The following NUP155 variants were observed in gnomAD, a reference collection of about 807,000 sequenced individuals.
NUP155 encodes nucleoporin 155, also known as nuclear pore complex protein Nup155.
In NUP155, 71 loss-of-function variants were observed where a neutral mutation model predicts 180.4. The observed-to-expected ratio is 0.39, with a 90% CI of 0.33 to 0.48. The LOEUF (loss-of-function observed/expected upper bound fraction) is 0.48. NUP155 is among the 20% of genes least tolerant of loss of function. NUP155 has a pLI of 0.91. For missense variants in NUP155, 1,553 were observed against 1,648.9 expected, an observed-to-expected ratio of 0.94 and a Z score of 1.01; for synonymous variants, 582 against 559.5, an observed-to-expected ratio of 1.04 and a Z score of -0.57.
At chr5:37,345,461 C>T (rs1195906977) in intron 9 of NUP155, among the ~76,000 whole-genome samples, 3 of 142,256 alleles carry the variant, frequency 2.1e-5, no homozygotes, top group African/African-American at 5.3e-5. Flanking sequence ...CAGTAAGCCA[C>T]GATCGCACCA....
At chr5:37,293,098 A>T in intron 33 of NUP155, 113 bp from the exon 34 acceptor site, 2 of 724,862 alleles carry the variant, frequency 2.8e-6, no homozygotes, top group Non-Finnish European at 5.0e-6. Flanking sequence ...GCTATTAAAA[A>T]GCATTTAATA....
At chr5:37,369,213 C>G (rs1232539650) in intron 1 of NUP155, among the ~76,000 whole-genome samples, 3 of 152,074 alleles carry the variant, frequency 2.0e-5, no homozygotes, top group African/African-American at 7.2e-5. Flanking sequence ...GATCATGCCA[C>G]TGCACTCCAG....
Position 37,301,538 on chromosome 5 carries a change from G to C in NUP155, c.3460C>G (p.Gln1154Glu). 6.2e-7 allele frequency: 1 copy of C among 1,607,726 alleles called. No homozygotes were observed. Residue 1154 changes from glutamine (Q) to glutamate (E), a missense_variant, in exon 30 of 35, where the codon CAA (glutamine) becomes GAA (glutamate). Coordinates refer to ENST00000231498, the MANE Select transcript of NUP155 (RefSeq NM_153485.3). Reference protein sequence around the residue: ...LEEKMEVARIQLQIQETLQRQ... With the variant: ...LEEKMEVARIELQIQETLQRQ... ...TGTAGTGTCTCCTGTATCTGAAGTT[G>C]GATCCTAGCAACCTAGTTTGGGCAG...
At chr5:37,321,339 C>T (rs1156725331) in intron 20 of NUP155, among the ~76,000 whole-genome samples, 2 of 152,088 alleles carry the variant, frequency 1.3e-5, no homozygotes, top group Middle Eastern at 3.4e-3. Context: ...AAGCAAGACT[C>T]TGTCTCCAAA....
chr5:37,368,018 G>A (rs929582972), intron 1 of NUP155, among the ~76,000 whole-genome samples: 1 of 151,838 alleles, frequency 6.6e-6, no homozygotes, highest in African/African-American at 2.4e-5. Context: ...TCCTAACCTC[G>A]TGATCTGCCA....
chr5:37,344,726 C>T (rs1745963949), intron 9 of NUP155, among the ~76,000 whole-genome samples: 2 of 151,640 alleles, frequency 1.3e-5, no homozygotes, highest in African/African-American at 4.8e-5. Flanking sequence ...ACAAAAATTA[C>T]CCAGGTGTGG....
intron 18 of NUP155, among the ~76,000 whole-genome samples, chr5:37,326,693 T>C (rs1025368383): frequency 6.6e-6 from 1 of 152,206 alleles, no homozygotes; most frequent in Non-Finnish European, 1.5e-5. Flanking sequence ...CTTGAACATG[T>C]GAGAGTCTAG....
rs1035538412 is a variant in NUP155 at position 37,355,642 on chromosome 5, G to A, written c.463+2439C>T. On this transcript the variant is annotated intron_variant, in intron 4 of 34. Transcript: ENST00000231498. The stretch of plus-strand genomic sequence containing the variant: ...TGCCCAGGCTGGAGTGCAGTGGCGT[G>A]ATCTTGGCTCACTGCACGCTCCACC... Among the ~76,000 whole-genome samples the A allele has an allele frequency of 9.2e-5, 14 of 151,792 alleles. No homozygotes were observed. The East Asian group carries it at 1.6e-3, about 17-fold the overall frequency.
Position 37,362,145 on chromosome 5 carries a change from G to C in NUP155, c.392+1743C>G, listed in dbSNP as rs902839086. Among the ~76,000 whole-genome samples, 3 of 152,092 alleles carry C rather than the reference G, an allele frequency of 2.0e-5. No homozygotes were observed. In the East Asian group the frequency reaches 5.8e-4, roughly 29 times the overall value. Reference sequence around the variant, plus strand: ...CGGACTAAGACACACAGTAAGGTAGGACTGTTTGTTCCATGAGGGCAGAAC... The same window carrying C: ...CGGACTAAGACACACAGTAAGGTAGCACTGTTTGTTCCATGAGGGCAGAAC... On this transcript the variant is annotated intron_variant, in intron 3 of 34. Transcript: ENST00000231498.
intron 23 of NUP155, 179 bp from the exon 24 acceptor site, chr5:37,309,446 G>C (rs1743387809): frequency 3.4e-6 from 2 of 588,658 alleles, no homozygotes; most frequent in Admixed American, 6.1e-5. Context: ...AAGATTCCTA[G>C]CTATTCTTAA....
chr5:37,336,747 C>T (rs1338219088), intron 12 of NUP155, among the ~76,000 whole-genome samples: 1 of 152,158 alleles, frequency 6.6e-6, no homozygotes. Context: ...TATCTTCCTC[C>T]TGCTCCTACC....
At chr5:37,301,307 C>A in intron 30 of NUP155, 130 bp downstream of exon 30, 1 of 643,916 alleles carries the variant, frequency 1.6e-6, no homozygotes, top group South Asian at 1.6e-5. Context: ...CAGTGACAAG[C>A]TGCCAAAGAT....
chr5:37,329,260 C>A lies in NUP155; in HGVS notation c.1743G>T (p.Gln581His). ...RAFFRYGGEA[Q>H]MRFPTTLPPP... ...GCGGAAGAGTGGTTGGAAATCTCAT[C>A]TGTGCTTCACCACCATACCTATTTT... The change falls in exon 16 of 35, where the codon CAG (glutamine) becomes CAT (histidine). Residue 581 changes from glutamine (Q) to histidine (H), a missense_variant. Physicochemically the swap from Gln to His is conservative, Grantham distance 24. Coordinates refer to ENST00000231498, the MANE Select transcript of NUP155 (RefSeq NM_153485.3). 1 of 1,613,792 alleles carries A rather than the reference C, an allele frequency of 6.2e-7. No individual in the cohort carries two copies. Among genetic ancestry groups the A allele is most frequent in the Non-Finnish European group, 8.5e-7 (1 of 1,179,746 alleles).
At chr5:37,345,284 T>C (rs944006168) in intron 9 of NUP155, among the ~76,000 whole-genome samples, 3 of 151,754 alleles carry the variant, frequency 2.0e-5, no homozygotes, top group Admixed American at 1.3e-4. Flanking sequence ...GACATGCGGA[T>C]TGCTTGACCT....
Position 37,351,284 on chromosome 5 carries a change from G to A in NUP155, c.629C>T (p.Thr210Ile), listed in dbSNP as rs762298347. Reference protein sequence around the residue: ...LLPDPLYSLPTDNTYLLTITS... With the variant: ...LLPDPLYSLPIDNTYLLTITS... ...TATTGTTAAAAGGTAAGTATTATCA[G>A]TAGGAAGAGAATATAAAGGATCTGG... The change falls in exon 6 of 35, where the codon ACT becomes ATT. Residue 210 changes from threonine (T) to isoleucine (I), a missense_variant. Thr to Ile is a moderately conservative substitution (Grantham distance 89). Coordinates refer to ENST00000231498, the MANE Select transcript of NUP155 (RefSeq NM_153485.3). The A allele has an allele frequency of 6.2e-7, 1 of 1,611,970 alleles. No individual in the cohort carries two copies. Among genetic ancestry groups the A allele is most frequent in the East Asian group, 2.2e-5 (1 of 44,822 alleles).
At chr5:37,365,404 T>C (rs150522916) in intron 1 of NUP155, among the ~76,000 whole-genome samples, 117 of 151,506 alleles carry the variant, frequency 7.7e-4, no homozygotes, top group African/African-American at 2.2e-3. Flanking sequence ...AAACATCTCA[T>C]GCACCACATA....
At position 37,290,116 on chromosome 5, in the gene NUP155, T is replaced by C. The variant is rs1742170822; in HGVS notation, c.*1784A>G. On this transcript the variant is annotated 3_prime_UTR_variant, in exon 35 of 35. Coordinates refer to ENST00000231498, the MANE Select transcript of NUP155 (RefSeq NM_153485.3). ...GAAGGAAAAATATATTCAAAATGTATTGTACAAATTGTTAGACATGCATCA... is the reference window on the plus strand; with the variant it reads ...GAAGGAAAAATATATTCAAAATGTACTGTACAAATTGTTAGACATGCATCA... 6.6e-6 allele frequency: 1 copy of C among 152,172 alleles called. No individual in the cohort carries two copies. Among genetic ancestry groups the C allele is most frequent in the Admixed American group, 6.6e-5 (1 of 15,254 alleles). 9.4% of individuals were successfully genotyped at this position (152,172 alleles called of 1,614,324 possible). A position where few individuals can be genotyped will look rare whatever the true frequency, so the allele number is the denominator to read the frequency against.
intron 1 of NUP155, among the ~76,000 whole-genome samples, chr5:37,365,131 G>A (rs1156898894): frequency 2.0e-5 from 3 of 151,608 alleles, no homozygotes; most frequent in Non-Finnish European, 2.9e-5. Context: ...GCCTGGTGGC[G>A]TGCGCCTATA....
At chr5:37,333,383 A>T in intron 13 of NUP155, 80 bp downstream of exon 13, 2 of 1,191,208 alleles carry the variant, frequency 1.7e-6, no homozygotes, top group Non-Finnish European at 2.5e-6. Context: ...TTATTCAATT[A>T]AGCCACTACT....
Sources: allele counts gnomAD v4.1 joint callset (sites outside exome capture counted in the v4.1 genomes callset), GRCh38; gene constraint gnomAD v4.1.1; transcripts MANE v1.5; gene names NCBI Gene and HGNC (gene_info 2026-07-23, HGNC 2026-07-21).